Variants in DLC1 observed in about 807,000 individuals in gnomAD.
DLC1 encodes DLC1 Rho GTPase activating protein, also known as rho GTPase-activating protein 7.
In DLC1, 54 loss-of-function variants were observed where a neutral mutation model predicts 140.3. That is an observed-to-expected ratio of 0.38 (90% CI 0.31 to 0.48). The LOEUF (loss-of-function observed/expected upper bound fraction) is 0.48. DLC1 is among the 20% of genes least tolerant of loss of function. The pLI is 0.96. For missense variants in DLC1, 2,536 were observed against 1,907.0 expected (o/e 1.33, Z -6.14); for synonymous variants, 986 against 728.1 (o/e 1.35, Z -5.70).
chr8:13,438,534 T>C (rs547674771), intron 2 of DLC1, among the ~76,000 whole-genome samples: 2 of 152,270 alleles, frequency 1.3e-5, no homozygotes, highest in East Asian at 3.9e-4. Context: ...TGATTTACTG[T>C]AGCTGAGAAG....
At chr8:13,455,767 T>G (rs1287046726) in intron 2 of DLC1, among the ~76,000 whole-genome samples, 1 of 152,150 alleles carries the variant, frequency 6.6e-6, no homozygotes, top group African/African-American at 2.4e-5. Context: ...TCCCAGCACT[T>G]TGAGAGGCCA....
At chr8:13,574,557 A>G (rs978847778) in intron 1 of DLC1, among the ~76,000 whole-genome samples, 2 of 152,126 alleles carry the variant, frequency 1.3e-5, no homozygotes, top group African/African-American at 4.8e-5. Context: ...CAACACTAAA[A>G]ATGTGTCTAG....
intron 1 of DLC1, among the ~76,000 whole-genome samples, chr8:13,512,985 T>TAA (rs1563412634): frequency 6.0e-5 from 7 of 117,268 alleles, no homozygotes; most frequent in Non-Finnish European, 1.2e-4. Context: ...TTTTTTTTTT[T>TAA]AAATTAGAGG....
intron 1 of DLC1, among the ~76,000 whole-genome samples, chr8:13,602,248 A>G (rs987821857): frequency 5.9e-5 from 9 of 151,836 alleles, no homozygotes; most frequent in Admixed American, 1.3e-4. Flanking sequence ...GAAAAGAGAT[A>G]GAAGAAGAAC....
chr8:13,197,339 T>A (rs563770808), intron 5 of DLC1, among the ~76,000 whole-genome samples: 1,531 of 152,234 alleles, frequency 0.01, 37 homozygotes, highest in African/African-American at 0.034. Flanking sequence ...TATTTTTTTT[T>A]AATTTTTAAT....
intron 5 of DLC1, among the ~76,000 whole-genome samples, chr8:13,172,657 A>T (rs1300628140): frequency 1.3e-5 from 2 of 152,238 alleles, no homozygotes; most frequent in African/African-American, 4.8e-5. Context: ...AGTTAGGAGC[A>T]TGTACTGTTT....
At chr8:13,089,878 C>T (rs1817897116) in intron 15 of DLC1, among the ~76,000 whole-genome samples, 1 of 152,154 alleles carries the variant, frequency 6.6e-6, no homozygotes, top group African/African-American at 2.4e-5. Flanking sequence ...AGAACAGTAA[C>T]TAAGAACAGA....
In DLC1 at chr8:13,401,390, T is replaced by C. The variant is rs1440395760; in HGVS notation, c.1173+80A>G. On this transcript the variant is annotated intron_variant, in intron 3 of 17. Transcript: ENST00000276297. ...TGTTGTTAGATGCCATTAACAAGGA[T>C]GTTGCCTTTGCAAGAGGGACTGTAT... The C allele has an allele frequency of 3.3e-6, 5 of 1,532,096 alleles. No individual in the cohort carries two copies. In the Admixed American group the frequency reaches 8.0e-5, roughly 24 times the overall value. 94.9% of individuals were successfully genotyped at this position (1,532,096 alleles called of 1,614,324 possible).
intron 5 of DLC1, among the ~76,000 whole-genome samples, chr8:13,264,052 T>TTTATTTATTTATTTATTTATTTA: frequency 7.0e-6 from 1 of 143,034 alleles, no homozygotes; most frequent in Non-Finnish European, 1.5e-5. Flanking sequence ...ATAAGAAGCT[T>TTTATTTATTTATTTATTTATTTA]TTTATTTATT....
intron 5 of DLC1, among the ~76,000 whole-genome samples, chr8:13,242,517 T>C (rs1460816556): frequency 2.0e-5 from 3 of 152,042 alleles, no homozygotes; most frequent in Non-Finnish European, 4.4e-5. Context: ...CGCCTCAGTT[T>C]CCCAAGTAGT....
At chr8:13,421,099 C>T (rs1838301929) in intron 2 of DLC1, among the ~76,000 whole-genome samples, 1 of 152,128 alleles carries the variant, frequency 6.6e-6, no homozygotes, top group African/African-American at 2.4e-5. Flanking sequence ...TTAATCTTTT[C>T]TTAACCATGA....
At chr8:13,122,553 G>A (rs965484047) in intron 5 of DLC1, among the ~76,000 whole-genome samples, 1 of 152,052 alleles carries the variant, frequency 6.6e-6, no homozygotes, top group East Asian at 1.9e-4. Flanking sequence ...ACGATGACTT[G>A]AATCTCTTAC....
At chr8:13,188,976 A>T (rs1012536278) in intron 5 of DLC1, among the ~76,000 whole-genome samples, 1 of 149,554 alleles carries the variant, frequency 6.7e-6, no homozygotes, top group African/African-American at 2.5e-5. Context: ...GGCATGAGCT[A>T]TCACACCCGG....
intron 3 of DLC1, among the ~76,000 whole-genome samples, chr8:13,397,568 C>G (rs1244587365): frequency 6.6e-6 from 1 of 151,920 alleles, no homozygotes; most frequent in Non-Finnish European, 1.5e-5. Context: ...ATGACTCATG[C>G]CTGTCATCTC....
intron 7 of DLC1, among the ~76,000 whole-genome samples, chr8:13,106,708 T>C (rs1298074777): frequency 2.0e-5 from 3 of 152,236 alleles, no homozygotes; most frequent in African/African-American, 7.2e-5. Context: ...CTGCTTTGCA[T>C]GGCTCAGGCA....
At chr8:13,375,630 A>T (rs1671421) in intron 4 of DLC1, among the ~76,000 whole-genome samples, 60,727 of 152,060 alleles carry the variant, frequency 0.4, 12,899 homozygotes, top group East Asian at 0.74. Flanking sequence ...ATTCAGTATG[A>T]TATTGGCTGT....
At chr8:13,538,740 GGTAATAA>G (rs1382025220) in intron 1 of DLC1, among the ~76,000 whole-genome samples, 1 of 152,132 alleles carries the variant, frequency 6.6e-6, no homozygotes, top group Non-Finnish European at 1.5e-5. Context: ...AAGTCACTCA[GGTAATAA>G]GTGGTAGAAG....
chr8:13,453,500 A>C (rs1306384218), intron 2 of DLC1, among the ~76,000 whole-genome samples: 1 of 34,860 alleles, frequency 2.9e-5, no homozygotes, highest in East Asian at 6.7e-4. Context: ...ACATATATAT[A>C]TGTATATATA....
intron 4 of DLC1, among the ~76,000 whole-genome samples, chr8:13,355,376 C>T (rs1834887673): frequency 6.6e-6 from 1 of 152,120 alleles, no homozygotes; most frequent in Non-Finnish European, 1.5e-5. Flanking sequence ...TAATCTCACA[C>T]CAGCTCAGGC....
Sources: allele counts gnomAD v4.1 joint callset (sites outside exome capture counted in the v4.1 genomes callset), GRCh38; gene constraint gnomAD v4.1.1; transcripts MANE v1.5; gene names NCBI Gene and HGNC (gene_info 2026-07-23, HGNC 2026-07-21).